C12orf75: variants seen among roughly 807,000 people sequenced by gnomAD.
The protein encoded by C12orf75 is chromosome 12 open reading frame 75.
A neutral mutation model predicts 11.4 loss-of-function variants in C12orf75; 4 were observed. That is an observed-to-expected ratio of 0.35 (90% confidence interval 0.17 to 0.80). C12orf75 has a LOEUF of 0.80. Among genes scored for constraint, C12orf75 ranks in the 30% least tolerant of loss-of-function variants. The pLI is 0.52. For synonymous variants in C12orf75, 30 were observed against 30.0 expected (o/e 1.00, Z 0.00); for missense variants, 89 against 80.4 (o/e 1.11, Z -0.41).
At chr12:105,331,416 G>A (rs1020870602) in intron 1 of C12orf75, among the ~76,000 whole-genome samples, 9 of 152,080 alleles carry the variant, frequency 5.9e-5, no homozygotes, top group Non-Finnish European at 1.3e-4. Flanking sequence ...AAGGGTGGGA[G>A]TGGGGTTGGG....
intron 1 of C12orf75, among the ~76,000 whole-genome samples, chr12:105,333,884 G>A (rs1892468530): frequency 6.6e-6 from 1 of 152,144 alleles, no homozygotes; most frequent in African/African-American, 2.4e-5. Context: ...CCCTAAATCT[G>A]AAATCTCCAT....
At chr12:105,365,331 G>A (rs1871433353) in intron 2 of C12orf75, among the ~76,000 whole-genome samples, 1 of 152,144 alleles carries the variant, frequency 6.6e-6, no homozygotes, top group African/African-American at 2.4e-5. Flanking sequence ...CTATAGTTGT[G>A]CCACTGAAGT....
rs568756535 is a variant in C12orf75 at position 105,359,854 on chromosome 12, A to G, written c.72-5953A>G. The stretch of plus-strand genomic sequence containing the variant: ...CTGTATGTCCATTTGCTCCTTTTCT[A>G]CGGGAGCAAGATTATGTTTAAACTG... On this transcript the variant is annotated intron_variant, in intron 2 of 5. Transcript: ENST00000443585. Among the ~76,000 whole-genome samples, 12 of 151,848 alleles carry G rather than the reference A, an allele frequency of 7.9e-5. No homozygotes were observed. In the East Asian group the frequency reaches 1.2e-3, roughly 15 times the overall value.
chr12:105,347,811 C>T (rs1481372390), intron 1 of C12orf75, among the ~76,000 whole-genome samples: 1 of 152,214 alleles, frequency 6.6e-6, no homozygotes, highest in East Asian at 1.9e-4. Context: ...GTTAGAGATG[C>T]ATGTGACTCT....
chr12:105,351,934 T>C (rs1352152401), intron 2 of C12orf75, among the ~76,000 whole-genome samples: 1 of 151,466 alleles, frequency 6.6e-6, no homozygotes, highest in Non-Finnish European at 1.5e-5. Flanking sequence ...GGGCAGTAAC[T>C]CCCAAAGCAG....
Position 105,330,865 on chromosome 12 carries a change from A to C in C12orf75, c.-27A>C. 1.6e-6 allele frequency: 2 copies of C among 1,253,766 alleles called. No individual in the cohort carries two copies. Among genetic ancestry groups the C allele is most frequent in the East Asian group, 3.2e-5 (1 of 31,128 alleles). 77.7% of individuals were successfully genotyped at this position (1,253,766 alleles called of 1,614,324 possible). Reference sequence around the variant, plus strand: ...CAGGACCCGCGGCCGAGAGCTCCGGAGCGCGGCTTCCCCGGCCGGCTGCGC... The same window carrying C: ...CAGGACCCGCGGCCGAGAGCTCCGGCGCGCGGCTTCCCCGGCCGGCTGCGC... On this transcript the variant is annotated 5_prime_UTR_variant, in exon 1 of 6. Transcript: ENST00000443585.
chr12:105,360,731 A>G (rs926525961), intron 2 of C12orf75, among the ~76,000 whole-genome samples: 1 of 152,074 alleles, frequency 6.6e-6, no homozygotes, highest in African/African-American at 2.4e-5. Flanking sequence ...AGCTGACTGC[A>G]ACCACTGTCT....
chr12:105,366,626 A>AGG lies in C12orf75; in HGVS notation c.118_119dup (p.Val41GlufsTer28), dbSNP rs1262946363. On this transcript the variant is annotated frameshift_variant, in exon 4 of 6. Transcript: ENST00000443585. LOFTEE classifies it high-confidence loss of function. ...ATTTCTTTTTATCAAGAAACTATGG[A>AGG]GGAGTATATGTTGGCCTACCATCTG... 12 of 1,522,276 alleles carry AGG rather than the reference A, an allele frequency of 7.9e-6. No individual in the cohort carries two copies. The South Asian group carries it at 1.4e-4, about 18-fold the overall frequency. The allele number at this position is 1,522,276 out of a possible 1,614,324, so 94.3% of individuals were successfully genotyped here.
intron 2 of C12orf75, among the ~76,000 whole-genome samples, chr12:105,361,554 T>C (rs921664257): frequency 1.3e-5 from 2 of 152,224 alleles, no homozygotes; most frequent in African/African-American, 4.8e-5. Flanking sequence ...CTTTTTAGAC[T>C]TTTTAGACTA....
intron 2 of C12orf75, among the ~76,000 whole-genome samples, chr12:105,356,801 T>G (rs915938943): frequency 6.6e-6 from 1 of 152,206 alleles, no homozygotes; most frequent in African/African-American, 2.4e-5. Flanking sequence ...TTGACTACCA[T>G]ATATTACTGA....
chr12:105,339,793 T>G (rs887797643), intron 1 of C12orf75, among the ~76,000 whole-genome samples: 6 of 152,016 alleles, frequency 3.9e-5, no homozygotes, highest in Admixed American at 1.3e-4. Flanking sequence ...ATTTTTTGTA[T>G]TTTTAGTAGA....
At chr12:105,354,733 G>A (rs911053266) in intron 2 of C12orf75, among the ~76,000 whole-genome samples, 3 of 152,088 alleles carry the variant, frequency 2.0e-5, no homozygotes, top group Non-Finnish European at 4.4e-5. Flanking sequence ...TCCTTAGGTC[G>A]GACCCTGTGA....
At chr12:105,339,251 T>C (rs1316517459) in intron 1 of C12orf75, among the ~76,000 whole-genome samples, 1 of 151,968 alleles carries the variant, frequency 6.6e-6, no homozygotes, top group Non-Finnish European at 1.5e-5. Context: ...ATTTATATAG[T>C]TCTCGGAGGG....
At chr12:105,369,290 T>C (rs1473660491) in intron 5 of C12orf75, among the ~76,000 whole-genome samples, 1 of 152,228 alleles carries the variant, frequency 6.6e-6, no homozygotes. Context: ...GTGAGCAAGC[T>C]CATATAATTT....
At chr12:105,354,051 G>A (rs1283151530) in intron 2 of C12orf75, among the ~76,000 whole-genome samples, 1 of 152,170 alleles carries the variant, frequency 6.6e-6, no homozygotes, top group Non-Finnish European at 1.5e-5. Context: ...ACCCATGTCA[G>A]CTGAGCCCTC....
At position 105,352,289 on chromosome 12, in the gene C12orf75, C is replaced by CA. The variant is rs546731573; in HGVS notation, c.71+3666dup. On this transcript the variant is annotated intron_variant, in intron 2 of 5. Transcript: ENST00000443585. ...TGAGCAGGGTGAATGATAACCAAGT[C>CA]AAAGTGGAAGTGAGCCAGGTGCAAG... is the stretch of plus-strand genomic sequence containing the variant. Among the ~76,000 whole-genome samples, 393 of 152,116 alleles carry CA rather than the reference C, an allele frequency of 2.6e-3. 6 individuals carry two copies. Among genetic ancestry groups the CA allele is most frequent in the African/African-American group, 8.8e-3 (365 of 41,480 alleles).
chr12:105,332,513 T>C (rs5009356), intron 1 of C12orf75, among the ~76,000 whole-genome samples: 76,876 of 151,700 alleles, frequency 0.51, 19,731 homozygotes, highest in Non-Finnish European at 0.55. Context: ...GGGTGGATCA[T>C]CTGAGCTCAG....
intron 1 of C12orf75, among the ~76,000 whole-genome samples, chr12:105,347,666 T>C (rs547445756): frequency 8.5e-5 from 13 of 152,342 alleles, no homozygotes; most frequent in African/African-American, 3.1e-4. Context: ...CCTCTCCCAG[T>C]CCACTGACTC....
intron 1 of C12orf75, among the ~76,000 whole-genome samples, chr12:105,331,730 C>T (rs547518293): frequency 2.0e-5 from 3 of 152,234 alleles, no homozygotes; most frequent in African/African-American, 7.2e-5. Context: ...CCAAAACTCA[C>T]CCTTCTATTT....
Sources: gnomAD v4.1 joint callset for allele counts (sites outside exome capture counted in the v4.1 genomes callset) on GRCh38, gnomAD v4.1.1 for gene constraint, MANE v1.5 for transcripts, NCBI Gene and HGNC (gene_info 2026-07-23, HGNC 2026-07-21) for gene names.